SMAD2: variants seen among roughly 807,000 people sequenced by gnomAD.
SMAD2 encodes the protein MAD homolog 2.
Under a neutral mutation model 64.4 loss-of-function variants are expected in SMAD2, and 8 were observed. The observed-to-expected ratio is 0.12, with a 90% confidence interval of 0.07 to 0.22. SMAD2 has a LOEUF of 0.22. SMAD2 is among the 10% of genes least tolerant of loss of function. The probability of loss-of-function intolerance (pLI) is 1.00; values close to 1 mark genes in which losing one functional copy is unlikely to be tolerated. For missense variants in SMAD2, 289 were observed against 561.2 expected (o/e 0.51, Z 4.90); for synonymous variants, 203 against 195.8 (o/e 1.04, Z -0.31).
chr18:47,927,087 C>T (rs886580853), intron 1 of SMAD2, among the ~76,000 whole-genome samples: 20 of 152,198 alleles, frequency 1.3e-4, no homozygotes, highest in Non-Finnish European at 2.6e-4. Flanking sequence ...ACACTATTCC[C>T]GATCCTTTCA....
At chr18:47,852,430 C>T (rs1002021543) in intron 6 of SMAD2, among the ~76,000 whole-genome samples, 24 of 152,084 alleles carry the variant, frequency 1.6e-4, no homozygotes, top group African/African-American at 5.8e-4. Context: ...TTCAGGCTAA[C>T]AGTAATAAAA....
intron 1 of SMAD2, chr18:47,912,438 C>T (rs1759043870): frequency 6.6e-6 from 1 of 152,172 alleles, no homozygotes; most frequent in South Asian, 2.1e-4. Context: ...AGAGAAGCAA[C>T]CCTGAAGGCT....
chr18:47,877,243 A>G (rs570457122), intron 2 of SMAD2, among the ~76,000 whole-genome samples: 192 of 141,496 alleles, frequency 1.4e-3, no homozygotes, highest in African/African-American at 4.4e-3. Flanking sequence ...CTGAACACTC[A>G]GTAAAATTAG....
chr18:47,834,555 T>G lies in SMAD2; in HGVS notation c.*7272A>C, dbSNP rs1043653581. The G allele has an allele frequency of 2.9e-5, 6 of 206,244 alleles. No homozygotes were observed. Among genetic ancestry groups the G allele is most frequent in the Admixed American group, 6.0e-5 (1 of 16,786 alleles). 12.8% of individuals were successfully genotyped at this position (206,244 alleles called of 1,614,324 possible). ...TAAGAACTTTCAAGGGCATAACCTT[T>G]AAGGGCATCAGTCCCCAAAATATTT... On this transcript the variant is annotated 3_prime_UTR_variant, in exon 11 of 11. Coordinates refer to ENST00000262160, the MANE Select transcript of SMAD2 (RefSeq NM_005901.6).
intron 6 of SMAD2, among the ~76,000 whole-genome samples, chr18:47,861,416 C>G (rs1277606962): frequency 6.6e-6 from 1 of 151,914 alleles, no homozygotes; most frequent in African/African-American, 2.4e-5. Context: ...AATTCTAGAA[C>G]CAAAAAGTCA....
chr18:47,910,201 G>A (rs1008506101), intron 1 of SMAD2, among the ~76,000 whole-genome samples: 6 of 151,688 alleles, frequency 4.0e-5, no homozygotes, highest in African/African-American at 1.5e-4. Context: ...GGGAGTGAAG[G>A]GCTTCAAGAG....
At chr18:47,889,271 T>C (rs919953987) in intron 2 of SMAD2, among the ~76,000 whole-genome samples, 2 of 152,092 alleles carry the variant, frequency 1.3e-5, no homozygotes, top group African/African-American at 4.8e-5. Flanking sequence ...CTCAGGCACT[T>C]TGGATAGTGA....
chr18:47,823,159 C>T lies in SMAD2; in HGVS notation c.*18668G>A, dbSNP rs1265231386. 1.3e-5 allele frequency: 2 copies of T among 152,168 alleles called. No individual in the cohort carries two copies. Among genetic ancestry groups the T allele is most frequent in the African/African-American group, 4.8e-5 (2 of 41,438 alleles). 9.4% of individuals were successfully genotyped at this position (152,168 alleles called of 1,614,324 possible). Reference sequence around the variant, plus strand: ...GGCTTCAATGGTTCTCAGCATTACACTGAATTAAAAATTATCATTTCCTGG... The same window carrying T: ...GGCTTCAATGGTTCTCAGCATTACATTGAATTAAAAATTATCATTTCCTGG... On this transcript the variant is annotated 3_prime_UTR_variant, in exon 11 of 11. Coordinates refer to ENST00000262160, the MANE Select transcript of SMAD2 (RefSeq NM_005901.6).
chr18:47,912,929 T>C (rs2034196882), intron 1 of SMAD2, among the ~76,000 whole-genome samples: 1 of 144,394 alleles, frequency 6.9e-6, no homozygotes, highest in African/African-American at 2.5e-5. Context: ...TCTGTAACAC[T>C]TTTTTTTTTT....
At chr18:47,878,881 T>A (rs983089606) in intron 2 of SMAD2, among the ~76,000 whole-genome samples, 1 of 152,208 alleles carries the variant, frequency 6.6e-6, no homozygotes, top group African/African-American at 2.4e-5. Context: ...TGTATCTACT[T>A]AACCTCTCTA....
intron 5 of SMAD2, 61 bp from the exon 6 acceptor site, chr18:47,865,194 AG>A (rs1555650454): frequency 1.2e-6 from 1 of 863,342 alleles, no homozygotes; most frequent in African/African-American, 1.6e-5. Flanking sequence ...CTTTTCTCTC[AG>A]CTACCAGAGA....
chr18:47,920,391 T>A (rs187435856), intron 1 of SMAD2, among the ~76,000 whole-genome samples: 1 of 152,242 alleles, frequency 6.6e-6, no homozygotes, highest in Non-Finnish European at 1.5e-5. Flanking sequence ...TTAAAAACCA[T>A]TGAAATATTT....
chr18:47,845,314 T>G (rs760746740), intron 10 of SMAD2, 26 bp downstream of exon 10: 1 of 1,607,364 alleles, frequency 6.2e-7, no homozygotes, highest in South Asian at 1.1e-5. Flanking sequence ...CTGTGGAAAT[T>G]TAAGAACCAA....
chr18:47,850,395 ATTATATATT>A (rs1915166822), intron 7 of SMAD2, among the ~76,000 whole-genome samples: 1 of 21,254 alleles, frequency 4.7e-5, no homozygotes, highest in Non-Finnish European at 6.6e-5. Flanking sequence ...TATAATATAT[ATTATATATT>A]ATGTATAATA....
At position 47,862,030 on chromosome 18, in the gene SMAD2, T is replaced by C. The variant is rs1365329493; in HGVS notation, c.730+3029A>G. On this transcript the variant is annotated intron_variant, in intron 6 of 10. Coordinates refer to ENST00000262160, the MANE Select transcript of SMAD2 (RefSeq NM_005901.6). ...GAGTCTCACTATGCTATTTTGATTA[T>C]ATGCATTTAGTTAAGAGGAGTAAGT... 2.0e-5 allele frequency among the ~76,000 whole-genome samples: 3 copies of C among 152,334 alleles called. No individual in the cohort carries two copies. The East Asian group carries it at 5.8e-4, about 29-fold the overall frequency.
At chr18:47,844,595 T>G (rs1914310958) in intron 10 of SMAD2, among the ~76,000 whole-genome samples, 1 of 152,080 alleles carries the variant, frequency 6.6e-6, no homozygotes, top group South Asian at 2.1e-4. Context: ...AGGTAAAGAG[T>G]CCAGGAGAAC....
At chr18:47,876,455 A>G (rs957114749) in intron 2 of SMAD2, among the ~76,000 whole-genome samples, 1 of 152,056 alleles carries the variant, frequency 6.6e-6, no homozygotes, top group African/African-American at 2.4e-5. Flanking sequence ...AGTTCTTTGC[A>G]TGGAACAGTT....
chr18:47,826,155 T>C lies in SMAD2; in HGVS notation c.*15672A>G, dbSNP rs1458015552. The C allele has an allele frequency of 1.3e-5, 2 of 152,226 alleles. No homozygotes were observed. Among genetic ancestry groups the C allele is most frequent in the Admixed American group, 1.3e-4 (2 of 15,282 alleles). 9.4% of individuals were successfully genotyped at this position (152,226 alleles called of 1,614,324 possible). On this transcript the variant is annotated 3_prime_UTR_variant, in exon 11 of 11. Transcript: ENST00000262160. ...TTTTGTCTTCCTTATGTATATTAGA[T>C]TAGGCTTCTACTCAATGCTCTGTAA... is the stretch of plus-strand genomic sequence containing the variant.
chr18:47,906,575 T>C (rs551996306), intron 1 of SMAD2, among the ~76,000 whole-genome samples: 1 of 152,352 alleles, frequency 6.6e-6, no homozygotes, highest in Non-Finnish European at 1.5e-5. Context: ...TAAATGTTGA[T>C]GAAGATGTGG....
Sources: allele counts gnomAD v4.1 joint callset (sites outside exome capture counted in the v4.1 genomes callset), GRCh38; gene constraint gnomAD v4.1.1; transcripts MANE v1.5; gene names NCBI Gene and HGNC (gene_info 2026-07-23, HGNC 2026-07-21).